NFKB1: variants seen among roughly 807,000 people sequenced by gnomAD.
The protein encoded by NFKB1 is nuclear factor kappa B subunit 1, also known as nuclear factor NF-kappa-B p105 subunit.
NFKB1 carries 9 observed loss-of-function variants against 105.1 expected under a neutral mutation model. The ratio of observed to expected loss-of-function variants is 0.09; its 90% CI spans 0.05 to 0.15. The LOEUF is 0.15. Ranked by LOEUF, NFKB1 falls within the 10% of genes least tolerant of loss-of-function variation. The pLI, the probability that NFKB1 is intolerant of heterozygous loss-of-function variation, is 1.00. For synonymous variants in NFKB1, 440 were observed against 442.2 expected (o/e 1.00, Z 0.06); for missense variants, 830 against 1,203.7 (o/e 0.69, Z 4.59).
At chr4:102,539,695 A>C (rs1741875149) in intron 5 of NFKB1, among the ~76,000 whole-genome samples, 1 of 152,160 alleles carries the variant, frequency 6.6e-6, no homozygotes. Flanking sequence ...TAGAAATCTC[A>C]GTAGGTAAAA....
intron 2 of NFKB1, among the ~76,000 whole-genome samples, chr4:102,529,420 A>T (rs1741132600): frequency 6.6e-6 from 1 of 152,212 alleles, no homozygotes; most frequent in African/African-American, 2.4e-5. Flanking sequence ...TAGAGGAAAT[A>T]CTGATTTCTA....
intron 6 of NFKB1, among the ~76,000 whole-genome samples, chr4:102,572,773 T>C (rs1724492807): frequency 6.6e-6 from 1 of 152,326 alleles, no homozygotes; most frequent in South Asian, 2.1e-4. Context: ...CACTTATCTT[T>C]TAAAGAAACT....
intron 12 of NFKB1, among the ~76,000 whole-genome samples, chr4:102,593,916 A>G (rs1443594448): frequency 1.3e-5 from 2 of 152,156 alleles, no homozygotes; most frequent in Admixed American, 6.5e-5. Context: ...TCATACTACA[A>G]TATAGCTATA....
intron 5 of NFKB1, among the ~76,000 whole-genome samples, chr4:102,559,094 C>CT (rs1373908204): frequency 6.6e-6 from 1 of 151,786 alleles, no homozygotes; most frequent in African/African-American, 2.4e-5. Flanking sequence ...AGTGCCAAAG[C>CT]TAAGATTGCT....
chr4:102,617,169 TC>T lies in NFKB1; in HGVS notation c.*580del, dbSNP rs1223502589. On this transcript the variant is annotated 3_prime_UTR_variant, in exon 24 of 24. Coordinates refer to ENST00000226574, the MANE Select transcript of NFKB1 (RefSeq NM_003998.4). Reference sequence around the variant, plus strand: ...ACAATCATTGCTGAAAATGGTATTTTCCCCCTTTTCTGCATTTTGCTATTGT... The same window carrying T: ...ACAATCATTGCTGAAAATGGTATTTTCCCCTTTTCTGCATTTTGCTATTGT... The T allele has an allele frequency of 6.6e-6, 1 of 152,450 alleles. No homozygotes were observed. Among genetic ancestry groups the T allele is most frequent in the African/African-American group, 2.4e-5 (1 of 41,362 alleles). The allele number at this position is 152,450 out of a possible 1,614,324, so 9.4% of individuals were successfully genotyped here.
intron 16 of NFKB1, among the ~76,000 whole-genome samples, chr4:102,602,292 A>C (rs1010498686): frequency 6.6e-6 from 1 of 151,654 alleles, no homozygotes; most frequent in African/African-American, 2.4e-5. Flanking sequence ...GCACTTTGGG[A>C]GGCCGAGGCA....
At chr4:102,573,700 C>T (rs907515122) in intron 6 of NFKB1, among the ~76,000 whole-genome samples, 2 of 152,154 alleles carry the variant, frequency 1.3e-5, no homozygotes, top group African/African-American at 4.8e-5. Context: ...AAATTTCCTA[C>T]AGCTCACTGA....
chr4:102,608,902 C>A (rs973113941), intron 19 of NFKB1, among the ~76,000 whole-genome samples: 2 of 152,056 alleles, frequency 1.3e-5, no homozygotes, highest in African/African-American at 4.8e-5. Context: ...CCTGTAAACT[C>A]AGCACTTTGA....
At chr4:102,534,532 A>G (rs767151782) in intron 4 of NFKB1, among the ~76,000 whole-genome samples, 50 of 152,174 alleles carry the variant, frequency 3.3e-4, no homozygotes, top group Non-Finnish European at 6.8e-4. Context: ...CACTGTATCC[A>G]ACTCTGTGGA....
intron 1 of NFKB1, among the ~76,000 whole-genome samples, chr4:102,524,868 G>A (rs951127380): frequency 2.0e-5 from 3 of 152,212 alleles, no homozygotes; most frequent in African/African-American, 7.2e-5. Context: ...AGCTCAGGCA[G>A]TAATGCAAGC....
At chr4:102,610,803 G>A in intron 20 of NFKB1, 104 bp downstream of exon 20, 1 of 1,354,872 alleles carries the variant, frequency 7.4e-7, no homozygotes, top group Non-Finnish European at 9.9e-7. Flanking sequence ...CAAAGAACAT[G>A]CCTTTTATTT....
chr4:102,615,980 G>A (rs894847967), intron 23 of NFKB1, among the ~76,000 whole-genome samples: 22 of 152,186 alleles, frequency 1.4e-4, no homozygotes, highest in African/African-American at 5.3e-4. Context: ...ATGTTTTCAA[G>A]GCAATGTATG....
At chr4:102,518,629 T>C (rs901271300) in intron 1 of NFKB1, among the ~76,000 whole-genome samples, 1 of 152,222 alleles carries the variant, frequency 6.6e-6, no homozygotes, top group African/African-American at 2.4e-5. Flanking sequence ...TAAAAGATAC[T>C]GATTACTTCT....
chr4:102,523,165 G>A (rs1428328425), intron 1 of NFKB1, among the ~76,000 whole-genome samples: 1 of 152,132 alleles, frequency 6.6e-6, no homozygotes, highest in African/African-American at 2.4e-5. Context: ...AGATCACACA[G>A]CCAGCATGAT....
At chr4:102,522,951 T>C (rs1488785461) in intron 1 of NFKB1, among the ~76,000 whole-genome samples, 1 of 152,204 alleles carries the variant, frequency 6.6e-6, no homozygotes, top group Non-Finnish European at 1.5e-5. Flanking sequence ...ACTATAGATA[T>C]ATACTCATAA....
At chr4:102,581,670 C>T (rs1408874202) in intron 9 of NFKB1, among the ~76,000 whole-genome samples, 11 of 152,108 alleles carry the variant, frequency 7.2e-5, no homozygotes, top group East Asian at 1.9e-4. Flanking sequence ...AAGAAGTTTA[C>T]ACTTTCTCTG....
At chr4:102,538,013 A>G (rs1337160251) in intron 5 of NFKB1, 57 bp downstream of exon 5, 4 of 1,090,904 alleles carry the variant, frequency 3.7e-6, no homozygotes, top group Non-Finnish European at 5.7e-6. Flanking sequence ...ATTTCCTACG[A>G]TTTCCAAGGA....
At chr4:102,599,579 A>C (rs1404151434) in intron 15 of NFKB1, among the ~76,000 whole-genome samples, 1 of 152,116 alleles carries the variant, frequency 6.6e-6, no homozygotes. Context: ...ATTCATCTGA[A>C]TGTCTTTAGA....
chr4:102,574,778 A>T (rs935373390), intron 6 of NFKB1, among the ~76,000 whole-genome samples: 1 of 152,206 alleles, frequency 6.6e-6, no homozygotes, highest in East Asian at 1.9e-4. Flanking sequence ...GTTTTACTCT[A>T]TCGTTACCTG....
Sources: gnomAD v4.1 joint callset for allele counts (sites outside exome capture counted in the v4.1 genomes callset) on GRCh38, gnomAD v4.1.1 for gene constraint, MANE v1.5 for transcripts, NCBI Gene and HGNC (gene_info 2026-07-23, HGNC 2026-07-21) for gene names.